DCLRE1C: variants seen among roughly 807,000 people sequenced by gnomAD.
The protein encoded by DCLRE1C is DNA cross-link repair 1C.
In DCLRE1C, 47 loss-of-function variants were observed where a neutral mutation model predicts 61.4. That is an observed-to-expected ratio of 0.77 (90% CI 0.61 to 0.98). DCLRE1C has a LOEUF of 0.98. DCLRE1C is among the 50% of genes least tolerant of loss of function. The pLI is 0.00. For missense variants in DCLRE1C, 858 were observed against 816.0 expected (o/e 1.05, Z -0.63); for synonymous variants, 337 against 287.6 (o/e 1.17, Z -1.74).
intron 3 of DCLRE1C, 27 bp downstream of exon 3, chr10:14,945,078 T>G: frequency 6.4e-7 from 1 of 1,564,328 alleles, no homozygotes. Context: ...TTAAAAAAAA[T>G]TAAGTTATTA....
chr10:14,913,317 G>T (rs79929834), intron 13 of DCLRE1C, among the ~76,000 whole-genome samples: 8,322 of 152,272 alleles, frequency 0.055, 297 homozygotes, highest in South Asian at 0.15. Context: ...TTAGATAGTG[G>T]GGATGATTGT....
downstream of DCLRE1C, chr10:14,899,700 G>A (rs772448390): frequency 3.1e-6 from 5 of 1,612,132 alleles, no homozygotes; most frequent in East Asian, 2.2e-5. Context: ...GAAGACATAC[G>A]TAAATTTTAG....
intron 9 of DCLRE1C, among the ~76,000 whole-genome samples, chr10:14,932,114 C>T (rs1055347349): frequency 2.0e-5 from 3 of 152,080 alleles, no homozygotes; most frequent in Non-Finnish European, 1.5e-5. Context: ...GTCCCAGCTA[C>T]ATAGGAGGCT....
chr10:14,932,830 G>C (rs375983867), intron 9 of DCLRE1C, 24 bp downstream of exon 9: 3 of 1,610,964 alleles, frequency 1.9e-6, no homozygotes, highest in East Asian at 4.5e-5. Flanking sequence ...CAAACAATAC[G>C]AGAGGAATCA....
exon 14 of DCLRE1C, chr10:14,897,520 A>G: frequency 1.3e-6 from 2 of 1,520,814 alleles, no homozygotes; most frequent in Non-Finnish European, 1.8e-6. Context: ...TTGGAGAGGT[A>G]TGTTTCATTT....
chr10:14,900,893 G>A (rs1377072183), downstream of DCLRE1C, among the ~76,000 whole-genome samples: 2 of 152,126 alleles, frequency 1.3e-5, no homozygotes, highest in African/African-American at 4.8e-5. Context: ...ACTAATTGTT[G>A]AAGCTGTATA....
chr10:14,939,761 T>C (rs745905989), intron 4 of DCLRE1C, 49 bp downstream of exon 4: 5 of 1,469,098 alleles, frequency 3.4e-6, no homozygotes, highest in Admixed American at 1.7e-5. Flanking sequence ...TAAACAATCA[T>C]TTTAGCACCA....
intron 3 of DCLRE1C, among the ~76,000 whole-genome samples, chr10:14,944,893 ATG>A (rs1841442700): frequency 5.3e-5 from 8 of 151,710 alleles, no homozygotes; most frequent in African/African-American, 1.9e-4. Flanking sequence ...CAGGCTGGTC[ATG>A]AACTCCTGAC....
In DCLRE1C at chr10:14,906,305, G is replaced by A. The variant is rs568836827; in HGVS notation, c.*2103C>T. Among the ~76,000 whole-genome samples, 18 of 152,218 alleles carry A rather than the reference G, an allele frequency of 1.2e-4. No homozygotes were observed. The highest frequency in any genetic ancestry group is 7.2e-4 in the Admixed American group (11 of 15,286). On this transcript the variant is annotated 3_prime_UTR_variant, in exon 14 of 14. Coordinates refer to ENST00000378278, the MANE Select transcript of DCLRE1C (RefSeq NM_001033855.3). Reference sequence around the variant, plus strand: ...AAACTTAAGAGCATCATCAGAGTAAGCACCAAATATAATTTCTGGTAATCA... The same window carrying A: ...AAACTTAAGAGCATCATCAGAGTAAACACCAAATATAATTTCTGGTAATCA...
At chr10:14,929,938 C>T (rs1046997847) in intron 9 of DCLRE1C, among the ~76,000 whole-genome samples, 2 of 152,068 alleles carry the variant, frequency 1.3e-5, no homozygotes, top group African/African-American at 2.4e-5. Context: ...ATCTTTTAAG[C>T]GGCTAGAAAT....
At position 14,924,634 on chromosome 10, in the gene DCLRE1C, G is replaced by A. The variant is rs528883580; in HGVS notation, c.973-1565C>T. On this transcript the variant is annotated intron_variant, in intron 11 of 13. Coordinates refer to ENST00000378278, the MANE Select transcript of DCLRE1C (RefSeq NM_001033855.3). The stretch of plus-strand genomic sequence containing the variant: ...GAGGCCGAGCCGGGTGGATCACAAG[G>A]TCAGGAGTTCGAGACCAACCTGGCT... Among the ~76,000 whole-genome samples the A allele has an allele frequency of 9.9e-5, 15 of 152,168 alleles. No individual in the cohort carries two copies. The South Asian group carries it at 3.1e-3, about 32-fold the overall frequency.
At chr10:14,914,278 G>C (rs542826148) in intron 13 of DCLRE1C, among the ~76,000 whole-genome samples, 2 of 152,292 alleles carry the variant, frequency 1.3e-5, no homozygotes, top group South Asian at 4.1e-4. Context: ...GTTACCAGGG[G>C]ATAGACTCAT....
At chr10:14,953,218 G>A (rs1842714158) in intron 1 of DCLRE1C, among the ~76,000 whole-genome samples, 1 of 152,222 alleles carries the variant, frequency 6.6e-6, no homozygotes, top group African/African-American at 2.4e-5. Flanking sequence ...AATGAACAAT[G>A]GTTGTCAAGT....
chr10:14,948,478 C>G (rs1027724009), intron 2 of DCLRE1C, among the ~76,000 whole-genome samples: 1 of 152,190 alleles, frequency 6.6e-6, no homozygotes, highest in Non-Finnish European at 1.5e-5. Context: ...CATTCTCTCT[C>G]ATATACTCTT....
At chr10:14,931,470 A>C (rs1211629529) in intron 9 of DCLRE1C, among the ~76,000 whole-genome samples, 1 of 152,152 alleles carries the variant, frequency 6.6e-6, no homozygotes, top group Admixed American at 6.6e-5. Flanking sequence ...AGGCAAGAGA[A>C]TCGCTTGAAT....
intron 13 of DCLRE1C, among the ~76,000 whole-genome samples, chr10:14,910,485 G>GTGTT (rs1491296313): frequency 1.3e-5 from 2 of 152,052 alleles, no homozygotes; most frequent in Admixed American, 1.3e-4. Flanking sequence ...TTTTTAGACA[G>GTGTT]TGTTTCCCCT....
intron 10 of DCLRE1C, 77 bp downstream of exon 10, chr10:14,927,939 G>C (rs1838297294): frequency 4.3e-6 from 6 of 1,386,472 alleles, no homozygotes; most frequent in Admixed American, 1.7e-5. Flanking sequence ...GCTTAGGCTA[G>C]ACTGTGCTTA....
chr10:14,934,327 CAA>C (rs374055066), intron 8 of DCLRE1C, 51 bp downstream of exon 8: 14,006 of 1,338,300 alleles, frequency 0.01, no homozygotes, highest in East Asian at 0.017. Context: ...GACTCCCTCT[CAA>C]AAAAAAAAAA....
At position 14,907,857 on chromosome 10, in the gene DCLRE1C, C is replaced by CTTTTTTTTTT. The variant is rs60410513; in HGVS notation, c.*541_*550dup. 74 of 71,900 alleles carry CTTTTTTTTTT rather than the reference C, an allele frequency of 1.0e-3. No homozygotes were observed. The highest frequency in any genetic ancestry group is 2.9e-3 in the East Asian group (7 of 2,448). The allele number at this position is 71,900 out of a possible 1,614,324, so 4.5% of individuals were successfully genotyped here. ...GGGTTTAGTTCTACCATTTTTTTTT[C>CTTTTTTTTTT]TTTTTTTTTTTTTTTTTTTTTGAGA... is the stretch of plus-strand genomic sequence containing the variant. On this transcript the variant is annotated 3_prime_UTR_variant, in exon 14 of 14. Transcript: ENST00000378278.
Sources: allele counts gnomAD v4.1 joint callset (sites outside exome capture counted in the v4.1 genomes callset), GRCh38; gene constraint gnomAD v4.1.1; transcripts MANE v1.5; gene names NCBI Gene and HGNC (gene_info 2026-07-23, HGNC 2026-07-21).